Variants in TMEM272 observed in about 807,000 individuals in gnomAD.
The protein encoded by TMEM272 is long intergenic non-protein coding RNA 282.
In TMEM272, 8 loss-of-function variants were observed where a neutral mutation model predicts 3.7. The ratio of observed to expected loss-of-function variants is 2.17; its 90% CI spans 1.27 to 3.91. The LOEUF (loss-of-function observed/expected upper bound fraction) is 3.91. Ranked by LOEUF, TMEM272 falls within the 30% of genes most tolerant of loss-of-function variation. TMEM272 has a pLI of 0.00. For missense variants in TMEM272, 166 were observed against 91.5 expected (o/e 1.81, Z -3.32); for synonymous variants, 63 against 39.8 (o/e 1.58, Z -2.20).
chr13:51,894,700 T>C, the TMEM272 span, among the ~76,000 whole-genome samples: 1 of 152,134 alleles, frequency 6.6e-6, no homozygotes, highest in African/African-American at 2.4e-5. Context: ...CCCAACGTTT[T>C]TGGCACCAGG....
chr13:51,816,729 G>C lies in TMEM272; in HGVS notation c.*22C>G, dbSNP rs764854395. On this transcript the variant is annotated 3_prime_UTR_variant, in exon 5 of 5. Coordinates refer to ENST00000629372, the MANE Select transcript of TMEM272 (RefSeq NM_001351003.2). ...TGCATGCACACGCATATGCATACAT[G>C]GTATGCTGGACAAGGCAGCTGTCAG... 51 of 686,946 alleles carry C rather than the reference G, an allele frequency of 7.4e-5. 1 individual carries two copies. Among genetic ancestry groups the C allele is most frequent in the East Asian group, 5.1e-4 (19 of 37,016 alleles). The allele number at this position is 686,946 out of a possible 1,614,324, so 42.6% of individuals were successfully genotyped here.
the TMEM272 span, among the ~76,000 whole-genome samples, chr13:51,860,712 T>G: frequency 6.0e-5 from 7 of 117,380 alleles, no homozygotes; most frequent in Non-Finnish European, 1.2e-4. Flanking sequence ...GAAAAGTATG[T>G]GTGCATACAT....
At chr13:51,826,137 GC>G (rs560884626) in intron 3 of TMEM272, among the ~76,000 whole-genome samples, 11 of 69,960 alleles carry the variant, frequency 1.6e-4, no homozygotes, top group African/African-American at 5.6e-4. Context: ...CATTCATTCA[GC>G]AAAAAAAAAA....
chr13:51,914,578 G>A, the TMEM272 span, among the ~76,000 whole-genome samples: 12 of 152,238 alleles, frequency 7.9e-5, no homozygotes, highest in Admixed American at 7.2e-4. Flanking sequence ...TAAGGCGGGC[G>A]ATGGAGCTGT....
chr13:51,931,323 G>C, the TMEM272 span, among the ~76,000 whole-genome samples: 1 of 148,726 alleles, frequency 6.7e-6, no homozygotes, highest in Non-Finnish European at 1.5e-5. Flanking sequence ...AAAAGGATGA[G>C]TTGATGTCCT....
intron 4 of TMEM272, among the ~76,000 whole-genome samples, chr13:51,821,123 G>A (rs1956075106): frequency 6.6e-6 from 1 of 152,244 alleles, no homozygotes. Context: ...CCAGAAGGCA[G>A]CTGGCAAAGA....
chr13:51,910,841 A>G, the TMEM272 span, among the ~76,000 whole-genome samples: 2 of 152,188 alleles, frequency 1.3e-5, no homozygotes, highest in Non-Finnish European at 1.5e-5. Context: ...TACACTCTAC[A>G]TCCTGAGGCA....
At chr13:51,837,899 C>G (rs1956229388) in intron 2 of TMEM272, among the ~76,000 whole-genome samples, 1 of 152,216 alleles carries the variant, frequency 6.6e-6, no homozygotes, top group African/African-American at 2.4e-5. Flanking sequence ...TTCCCTTTAT[C>G]CACATTTCAT....
the TMEM272 span, among the ~76,000 whole-genome samples, chr13:51,863,471 TG>T: frequency 6.6e-6 from 1 of 151,886 alleles, no homozygotes. Context: ...ATGGGGGAGA[TG>T]GAACAGGGGC....
At chr13:51,876,313 C>T in the TMEM272 span, among the ~76,000 whole-genome samples, 1 of 152,190 alleles carries the variant, frequency 6.6e-6, no homozygotes, top group Non-Finnish European at 1.5e-5. Context: ...ACTATATGGC[C>T]CCTGGTGGTC....
chr13:51,862,570 G>A, the TMEM272 span, among the ~76,000 whole-genome samples: 1 of 152,172 alleles, frequency 6.6e-6, no homozygotes, highest in South Asian at 2.1e-4. Context: ...CACCTATCCT[G>A]TGGCAGAACA....
At chr13:51,932,766 A>G in the TMEM272 span, 1 of 152,210 alleles carries the variant, frequency 6.6e-6, no homozygotes, top group South Asian at 2.1e-4. Context: ...CACTTTGACC[A>G]TCTAAAAGGT....
the TMEM272 span, among the ~76,000 whole-genome samples, chr13:51,917,007 G>A: frequency 7.2e-5 from 11 of 152,188 alleles, no homozygotes; most frequent in African/African-American, 2.7e-4. Flanking sequence ...ATGCGGAGGA[G>A]GACAAGTAAG....
At chr13:51,837,068 C>G (rs1956222120) in intron 2 of TMEM272, among the ~76,000 whole-genome samples, 1 of 152,204 alleles carries the variant, frequency 6.6e-6, no homozygotes, top group Non-Finnish European at 1.5e-5. Context: ...TGCCATTGTG[C>G]TGGCTGAAGA....
At chr13:51,905,234 A>AAAAGAGCT in the TMEM272 span, among the ~76,000 whole-genome samples, 3,198 of 152,278 alleles carry the variant, frequency 0.021, 55 homozygotes, top group Middle Eastern at 0.034. Context: ...TCTTCCAGAG[A>AAAAGAGCT]AAAGAGCTGT....
chr13:51,855,740 T>C, the TMEM272 span, among the ~76,000 whole-genome samples: 1 of 151,956 alleles, frequency 6.6e-6, no homozygotes, highest in African/African-American at 2.4e-5. Context: ...AGAGAGACAA[T>C]GGAGAATTAG....
chr13:51,889,642 G>C, the TMEM272 span, among the ~76,000 whole-genome samples: 4 of 150,778 alleles, frequency 2.7e-5, no homozygotes, highest in East Asian at 7.7e-4. Flanking sequence ...GTGTGGGGGG[G>C]TTTTGTTTGT....
chr13:51,911,477 A>G, the TMEM272 span, among the ~76,000 whole-genome samples: 2 of 152,184 alleles, frequency 1.3e-5, no homozygotes, highest in African/African-American at 4.8e-5. Flanking sequence ...AACACTGGCA[A>G]TCCTTCAACA....
chr13:51,914,111 A>T, the TMEM272 span, among the ~76,000 whole-genome samples: 1 of 152,322 alleles, frequency 6.6e-6, no homozygotes, highest in Non-Finnish European at 1.5e-5. Context: ...ACACACATTG[A>T]GAAAAAAGGA....
Sources: allele counts gnomAD v4.1 joint callset (sites outside exome capture counted in the v4.1 genomes callset), GRCh38; gene constraint gnomAD v4.1.1; transcripts MANE v1.5; gene names NCBI Gene and HGNC (gene_info 2026-07-23, HGNC 2026-07-21).